Variants in RAI1 observed in about 807,000 individuals in gnomAD.
RAI1 encodes the protein retinoic acid-induced protein 1.
Under a neutral mutation model 123.8 loss-of-function variants are expected in RAI1, and 9 were observed. That is an observed-to-expected ratio of 0.07 (90% confidence interval 0.04 to 0.13). RAI1 has a LOEUF of 0.13. RAI1 is among the 10% of genes least tolerant of loss of function. RAI1 has a pLI of 1.00. For synonymous variants in RAI1, 1,231 were observed against 1,127.3 expected, an observed-to-expected ratio of 1.09 and a Z score of -1.84; for missense variants, 2,256 against 2,545.8, an observed-to-expected ratio of 0.89 and a Z score of 2.45.
rs950057167 is a variant in RAI1 at position 17,799,077 on chromosome 17, C to T, written c.5565+564C>T. Among the ~76,000 whole-genome samples the T allele has an allele frequency of 6.6e-6, 1 of 152,140 alleles. No individual in the cohort carries two copies. The highest frequency in any genetic ancestry group is 1.5e-5 in the Non-Finnish European group (1 of 68,012). On this transcript the variant is annotated intron_variant, in intron 3 of 5. Coordinates refer to ENST00000353383, the MANE Select transcript of RAI1 (RefSeq NM_030665.4). This position sits in a 1 kb window ranked among gnomAD's most constrained non-coding sequence, Gnocchi z 4.5. ...GGTCACACAGTCACAACAGGCAGGG[C>T]GGGGCAGATCCAGACCCTCTCACCA... is the stretch of plus-strand genomic sequence containing the variant.
chr17:17,793,464 C>T lies in RAI1; in HGVS notation c.516C>T (p.His172=), dbSNP rs147481626. Residue 172 remains histidine (H), a synonymous_variant, in exon 3 of 6, where the codon CAC becomes CAT. Transcript: ENST00000353383. ...TGCCCTTTCGGACTCACTCCCTGCA[C>T]GTCCAGCAGCCACCGCCGCCCCAGC... ...AQVPFRTHSL[H]VQQPPPPQQP... 3.0e-5 allele frequency: 49 copies of T among 1,613,366 alleles called. No individual in the cohort carries two copies. Among genetic ancestry groups the T allele is most frequent in the African/African-American group, 8.0e-5 (6 of 75,016 alleles).
intron 2 of RAI1, among the ~76,000 whole-genome samples, chr17:17,757,151 G>A (rs138738187): frequency 0.021 from 3,223 of 152,284 alleles, 47 homozygotes; most frequent in Non-Finnish European, 0.034. Flanking sequence ...CTGAGGCAGG[G>A]AGACCCTGAG....
In RAI1 at chr17:17,809,890, G is replaced by C. The variant is rs1392240722; in HGVS notation, c.5710-80G>C. The C allele has an allele frequency of 9.1e-6, 14 of 1,544,048 alleles. No homozygotes were observed. In the African/African-American group the frequency reaches 1.4e-4, roughly 15 times the overall value. ...GTCGCCTGGGTCTGGGGCTTAGGCG[G>C]GGGGCCCACACTGGGGGCGGGGCCT... On this transcript the variant is annotated intron_variant, in intron 5 of 5. Transcript: ENST00000353383. This position sits in a 1 kb window ranked among gnomAD's most constrained non-coding sequence, Gnocchi z 4.9.
chr17:17,752,858 CTT>C (rs199689394), intron 2 of RAI1, among the ~76,000 whole-genome samples: 3,414 of 152,344 alleles, frequency 0.022, 123 homozygotes, highest in African/African-American at 0.077. Context: ...GTTTATATCT[CTT>C]TTTGTGCACT....
At chr17:17,692,298 A>G (rs184449456) in intron 1 of RAI1, among the ~76,000 whole-genome samples, 4 of 152,326 alleles carry the variant, frequency 2.6e-5, no homozygotes, top group Non-Finnish European at 5.9e-5. Flanking sequence ...AGGAGGGCCA[A>G]CTGAGTGAAA....
In RAI1 at chr17:17,797,357, G is replaced by A; in HGVS notation, c.4409G>A (p.Gly1470Asp). ...CCGCTGGAGAAGCGGCCCTATCTTG[G>A]CCCGGCTCTGCTCCTGACTCCCCGA... ...KGPLEKRPYL[G>D]PALLLTPRDR... Residue 1470 changes from glycine to aspartate, a missense_variant, in exon 3 of 6, where the codon GGC (glycine) becomes GAC (aspartate). By Grantham distance (94) the Gly-to-Asp change is moderately conservative (BLOSUM62 -1). This residue lies in a region of RAI1 where 410 missense variants were observed against 374.6 expected (regional missense o/e 1.09). Transcript: ENST00000353383. 1.2e-6 allele frequency: 2 copies of A among 1,612,378 alleles called. No individual in the cohort carries two copies. The highest frequency in any genetic ancestry group is 1.3e-5 in the African/African-American group (1 of 75,026).
chr17:17,788,360 G>A (rs942680071), intron 2 of RAI1, among the ~76,000 whole-genome samples: 1 of 152,108 alleles, frequency 6.6e-6, no homozygotes, highest in African/African-American at 2.4e-5. Flanking sequence ...TCCCATTCAA[G>A]CCAGGCCCCT....
Position 17,796,999 on chromosome 17 carries a change from G to T in RAI1, c.4051G>T (p.Ala1351Ser), listed in dbSNP as rs778842491. ...LKKFACKAPG[A>S]SPGNPLSPSL... is the part of the protein sequence containing the mutation. Reference sequence around the variant, plus strand: ...GAAGTTCGCATGTAAAGCGCCAGGGGCCTCTCCTGGTAATCCTCTGAGCCC... The same window carrying T: ...GAAGTTCGCATGTAAAGCGCCAGGGTCCTCTCCTGGTAATCCTCTGAGCCC... Residue 1351 changes from alanine (A) to serine (S), a missense_variant, in exon 3 of 6, where the codon GCC becomes TCC. This residue lies in a region of RAI1 where 322 missense variants were observed against 358.0 expected (regional missense o/e 0.90). Coordinates refer to ENST00000353383, the MANE Select transcript of RAI1 (RefSeq NM_030665.4). This position sits in a 1 kb window ranked among gnomAD's most constrained non-coding sequence, Gnocchi z 5.8. 19 of 1,613,708 alleles carry T rather than the reference G, an allele frequency of 1.2e-5. No individual in the cohort carries two copies. The highest frequency in any genetic ancestry group is 1.7e-5 in the Admixed American group (1 of 60,008).
chr17:17,809,384 T>TCA lies in RAI1; in HGVS notation c.5660-3_5660-2dup. ...CCTAACCACCGAAACTTCTCTTTGG[T>TCA]CACAGGTTGCATATTCATCGAAGAG... On this transcript the variant is annotated splice_polypyrimidine_tract_variant and splice_region_variant and intron_variant, in intron 4 of 5. Transcript: ENST00000353383. The surrounding 1 kb of genome is among the most constrained non-coding windows in gnomAD (Gnocchi z 4.9). 1 of 1,605,500 alleles carries TCA rather than the reference T, an allele frequency of 6.2e-7. No individual in the cohort carries two copies. The highest frequency in any genetic ancestry group is 8.5e-7 in the Non-Finnish European group (1 of 1,172,324).
At position 17,802,495 on chromosome 17, in the gene RAI1, G is replaced by A. The variant is rs537619945; in HGVS notation, c.5566-1261G>A. On this transcript the variant is annotated intron_variant, in intron 3 of 5. Coordinates refer to ENST00000353383, the MANE Select transcript of RAI1 (RefSeq NM_030665.4). ...CAGAGGGCTGTTAGAGCCAGTAGGCGGCCAGGCGCGGTGGCTCACGCCTGT... is the reference window on the plus strand; with the variant it reads ...CAGAGGGCTGTTAGAGCCAGTAGGCAGCCAGGCGCGGTGGCTCACGCCTGT... Among the ~76,000 whole-genome samples the A allele has an allele frequency of 7.9e-5, 12 of 152,286 alleles. No individual in the cohort carries two copies. In the East Asian group the frequency reaches 1.4e-3, roughly 17 times the overall value.
chr17:17,803,454 TG>T (rs2032525851), intron 3 of RAI1, among the ~76,000 whole-genome samples: 1 of 152,120 alleles, frequency 6.6e-6, no homozygotes, highest in African/African-American at 2.4e-5. Flanking sequence ...GTACAGGCAG[TG>T]GCGTCATCTC....
chr17:17,805,459 A>G (rs1764180923), intron 4 of RAI1, among the ~76,000 whole-genome samples: 1 of 151,764 alleles, frequency 6.6e-6, no homozygotes, highest in African/African-American at 2.4e-5. Context: ...GTCATAACCC[A>G]CCTCCCAGTG....
At chr17:17,791,715 C>T (rs953797021) in intron 2 of RAI1, among the ~76,000 whole-genome samples, 2 of 152,212 alleles carry the variant, frequency 1.3e-5, no homozygotes, top group Non-Finnish European at 2.9e-5. Flanking sequence ...CCATGCACTT[C>T]CTCCAAAACC....
At position 17,799,465 on chromosome 17, in the gene RAI1, C is replaced by T. The variant is rs2032383871; in HGVS notation, c.5565+952C>T. On this transcript the variant is annotated intron_variant, in intron 3 of 5. Coordinates refer to ENST00000353383, the MANE Select transcript of RAI1 (RefSeq NM_030665.4). The surrounding 1 kb of genome is among the most constrained non-coding windows in gnomAD (Gnocchi z 4.5). The stretch of plus-strand genomic sequence containing the variant: ...GGGGCGGTGGGGTGCACCTCTCCCC[C>T]GGGGCCATGCTTCTGCCCCCACATT... 1.3e-5 allele frequency among the ~76,000 whole-genome samples: 2 copies of T among 152,114 alleles called. No homozygotes were observed. The highest frequency in any genetic ancestry group is 1.3e-4 in the Admixed American group (2 of 15,276).
At chr17:17,701,591 G>T (rs1915226096) in intron 1 of RAI1, among the ~76,000 whole-genome samples, 1 of 151,984 alleles carries the variant, frequency 6.6e-6, no homozygotes, top group South Asian at 2.1e-4. Context: ...CTTGTACCCA[G>T]CCCCTCTTTT....
At chr17:17,700,541 C>T (rs1470787934) in intron 1 of RAI1, among the ~76,000 whole-genome samples, 2 of 152,154 alleles carry the variant, frequency 1.3e-5, no homozygotes, top group Admixed American at 1.3e-4. Context: ...ATTGCACCTG[C>T]CCGGGCCTGA....
At chr17:17,698,628 C>A (rs118084019) in intron 1 of RAI1, among the ~76,000 whole-genome samples, 1 of 152,320 alleles carries the variant, frequency 6.6e-6, no homozygotes, top group Non-Finnish European at 1.5e-5. Flanking sequence ...GGAGCTGAGC[C>A]CTTCCCCTGC....
intron 2 of RAI1, among the ~76,000 whole-genome samples, chr17:17,749,040 A>G (rs1027668105): frequency 1.3e-5 from 2 of 152,194 alleles, no homozygotes; most frequent in Non-Finnish European, 2.9e-5. Flanking sequence ...ACAACAACAC[A>G]TCAGCCCCTG....
intron 4 of RAI1, among the ~76,000 whole-genome samples, chr17:17,808,014 C>T (rs2032628553): frequency 6.6e-6 from 1 of 152,222 alleles, no homozygotes; most frequent in Admixed American, 6.5e-5. Flanking sequence ...GGCCACCACC[C>T]TGTCATGATG....
Sources: gnomAD v4.1 joint callset for allele counts (sites outside exome capture counted in the v4.1 genomes callset) on GRCh38, gnomAD v4.1.1 for gene constraint, gnomAD v4.1.1 regional missense constraint, Gnocchi (gnomAD v3.1) non-coding constraint, MANE v1.5 for transcripts, NCBI Gene and HGNC (gene_info 2026-07-23, HGNC 2026-07-21) for gene names.